PTPRG: variants seen among roughly 807,000 people sequenced by gnomAD.
PTPRG encodes the protein receptor-type tyrosine-protein phosphatase gamma.
Under a neutral mutation model 165.3 loss-of-function variants are expected in PTPRG, and 102 were observed. The ratio of observed to expected loss-of-function variants is 0.62; its 90% CI spans 0.53 to 0.73. The LOEUF (loss-of-function observed/expected upper bound fraction) is 0.73, where lower values mean the gene tolerates loss of function less well. Ranked by LOEUF, PTPRG falls within the 30% of genes least tolerant of loss-of-function variation. The pLI is 0.00. For missense variants in PTPRG, 1,866 were observed against 1,861.4 expected (o/e 1.00, Z -0.05); for synonymous variants, 675 against 669.5 (o/e 1.01, Z -0.13).
intron 2 of PTPRG, among the ~76,000 whole-genome samples, chr3:61,813,555 G>GTGTT (rs1553673905): frequency 2.8e-5 from 4 of 142,152 alleles, no homozygotes; most frequent in African/African-American, 1.1e-4. Flanking sequence ...GTGTGTGTGT[G>GTGTT]TGTGTGTGTG....
At chr3:61,994,273 G>T (rs1237359906) in intron 3 of PTPRG, among the ~76,000 whole-genome samples, 2 of 152,004 alleles carry the variant, frequency 1.3e-5, no homozygotes, top group African/African-American at 4.8e-5. Context: ...ATAAGACGTG[G>T]CCTTCTATGA....
chr3:62,200,617 A>G (rs921380281), intron 10 of PTPRG, among the ~76,000 whole-genome samples: 1 of 152,120 alleles, frequency 6.6e-6, no homozygotes, highest in African/African-American at 2.4e-5. Context: ...TTTTACCGTA[A>G]TCTTAAAAAA....
At chr3:61,931,782 A>ATGACC (rs1252400956) in intron 2 of PTPRG, among the ~76,000 whole-genome samples, 1 of 152,222 alleles carries the variant, frequency 6.6e-6, no homozygotes, top group East Asian at 1.9e-4. Context: ...TTCAAGGATG[A>ATGACC]TGACCATATT....
chr3:62,166,150 C>T (rs1368925130), intron 7 of PTPRG, among the ~76,000 whole-genome samples: 1 of 124,266 alleles, frequency 8.0e-6, no homozygotes, highest in Non-Finnish European at 1.7e-5. Flanking sequence ...ATTCTATTTT[C>T]TTCTCCTATT....
chr3:61,884,097 T>A (rs1436493837), intron 2 of PTPRG, among the ~76,000 whole-genome samples: 1 of 152,178 alleles, frequency 6.6e-6, no homozygotes, highest in East Asian at 1.9e-4. Context: ...CTTAGGACAT[T>A]TATAGTCACC....
chr3:61,793,397 G>T (rs2034948779), intron 2 of PTPRG, among the ~76,000 whole-genome samples: 1 of 152,110 alleles, frequency 6.6e-6, no homozygotes, highest in Non-Finnish European at 1.5e-5. Context: ...ATCTTCTTTT[G>T]GATGTGTTTC....
intron 2 of PTPRG, among the ~76,000 whole-genome samples, chr3:61,775,848 G>C (rs2034362577): frequency 7.1e-6 from 1 of 140,990 alleles, no homozygotes; most frequent in African/African-American, 2.6e-5. Flanking sequence ...AACACTGCAT[G>C]TTCTCACTTA....
chr3:61,740,524 A>C (rs650600), intron 1 of PTPRG, among the ~76,000 whole-genome samples: 118,399 of 151,538 alleles, frequency 0.78, 46,327 homozygotes, highest in Middle Eastern at 0.84. Context: ...TGTTTTGTCC[A>C]TTTTAGCCCT....
intron 1 of PTPRG, among the ~76,000 whole-genome samples, chr3:61,611,433 TAAAA>T (rs1219495750): frequency 1.3e-5 from 2 of 152,158 alleles, no homozygotes; most frequent in African/African-American, 4.8e-5. Context: ...GACTGGTAAG[TAAAA>T]AAAACTTGAA....
At chr3:61,944,193 C>T (rs1306740664) in intron 2 of PTPRG, among the ~76,000 whole-genome samples, 1 of 152,162 alleles carries the variant, frequency 6.6e-6, no homozygotes, top group East Asian at 1.9e-4. Flanking sequence ...ACTGCTGTGA[C>T]ACCTCCCATT....
rs78823989 is a variant in PTPRG at position 61,901,703 on chromosome 3, A to C, written c.191-87922A>C. Among the ~76,000 whole-genome samples, 79 of 152,258 alleles carry C rather than the reference A, an allele frequency of 5.2e-4. 1 individual carries two copies. The East Asian group carries it at 7.0e-3, about 13-fold the overall frequency. ...CAAGCTTTAGAGCCTTTTCACACTGATTCTGAGATAAGCCAATTTGCCAAC... is the reference window on the plus strand; with the variant it reads ...CAAGCTTTAGAGCCTTTTCACACTGCTTCTGAGATAAGCCAATTTGCCAAC... On this transcript the variant is annotated intron_variant, in intron 2 of 29. Coordinates refer to ENST00000474889, the MANE Select transcript of PTPRG (RefSeq NM_002841.4).
intron 7 of PTPRG, among the ~76,000 whole-genome samples, chr3:62,157,881 C>A (rs1364683535): frequency 6.6e-6 from 1 of 152,168 alleles, no homozygotes; most frequent in Non-Finnish European, 1.5e-5. Flanking sequence ...TTATACATAT[C>A]AACTTAATCA....
intron 1 of PTPRG, among the ~76,000 whole-genome samples, chr3:61,592,098 C>G (rs766375427): frequency 6.6e-6 from 1 of 151,922 alleles, no homozygotes; most frequent in Non-Finnish European, 1.5e-5. Context: ...CTCAGCCTCC[C>G]GAGCAGCTGG....
chr3:61,567,734 G>T (rs1194709793), intron 1 of PTPRG, among the ~76,000 whole-genome samples: 1 of 149,424 alleles, frequency 6.7e-6, no homozygotes, highest in African/African-American at 2.5e-5. Flanking sequence ...TGTCATCTCA[G>T]CACTTTGGGA....
At chr3:61,894,091 G>A (rs190739443) in intron 2 of PTPRG, among the ~76,000 whole-genome samples, 48 of 152,096 alleles carry the variant, frequency 3.2e-4, no homozygotes, top group African/African-American at 1.2e-3. Flanking sequence ...ATCACTTGAG[G>A]TCAGGAGTTC....
chr3:62,059,563 C>T (rs1700737265), intron 4 of PTPRG, among the ~76,000 whole-genome samples: 1 of 152,218 alleles, frequency 6.6e-6, no homozygotes, highest in Admixed American at 6.5e-5. Flanking sequence ...GTTGGCTGGG[C>T]ACAGTGGCTC....
At chr3:62,106,399 TCAGATATCCAA>T (rs1702472941) in intron 5 of PTPRG, among the ~76,000 whole-genome samples, 1 of 152,150 alleles carries the variant, frequency 6.6e-6, no homozygotes, top group East Asian at 1.9e-4. Flanking sequence ...GGATCTCTTG[TCAGATATCCAA>T]CAGCTAAATG....
At chr3:62,057,398 G>T (rs1373096277) in intron 4 of PTPRG, among the ~76,000 whole-genome samples, 2 of 152,174 alleles carry the variant, frequency 1.3e-5, no homozygotes, top group African/African-American at 2.4e-5. Flanking sequence ...TTCAAAAGAA[G>T]TGCTTTTCTG....
intron 23 of PTPRG, among the ~76,000 whole-genome samples, chr3:62,274,710 A>T (rs1381496781): frequency 6.6e-6 from 1 of 152,174 alleles, no homozygotes; most frequent in Non-Finnish European, 1.5e-5. Flanking sequence ...ACCAAGTGAT[A>T]TGAAATGAAA....
Sources: gnomAD v4.1 joint callset for allele counts (sites outside exome capture counted in the v4.1 genomes callset) on GRCh38, gnomAD v4.1.1 for gene constraint, MANE v1.5 for transcripts, NCBI Gene and HGNC (gene_info 2026-07-23, HGNC 2026-07-21) for gene names.